RAB38: variants seen among roughly 807,000 people sequenced by gnomAD.
The protein encoded by RAB38 is RAB38, member RAS oncogene family, also known as ras-related protein Rab-38.
RAB38 carries 15 observed loss-of-function variants against 18.4 expected under a neutral mutation model. That is an observed-to-expected ratio of 0.82 (90% CI 0.55 to 1.26). RAB38 has a LOEUF of 1.26. Among genes scored for constraint, RAB38 ranks in the 50% most tolerant of loss-of-function variants. The pLI is 0.00. For synonymous variants in RAB38, 101 were observed against 104.4 expected, an observed-to-expected ratio of 0.97 and a Z score of 0.20; for missense variants, 294 against 267.4, an observed-to-expected ratio of 1.10 and a Z score of -0.69.
the RAB38 span, among the ~76,000 whole-genome samples, chr11:87,958,395 G>A: frequency 6.6e-6 from 1 of 152,094 alleles, no homozygotes; most frequent in South Asian, 2.1e-4. Flanking sequence ...CCTCTGTCTT[G>A]GGCTCTGCTC....
the RAB38 span, among the ~76,000 whole-genome samples, chr11:88,033,120 T>C: frequency 5.3e-5 from 8 of 151,784 alleles, no homozygotes; most frequent in South Asian, 2.1e-4. Flanking sequence ...AGCAAACTAT[T>C]GCAAGAACAA....
At chr11:87,945,523 G>T in the RAB38 span, among the ~76,000 whole-genome samples, 1 of 152,126 alleles carries the variant, frequency 6.6e-6, no homozygotes, top group South Asian at 2.1e-4. Flanking sequence ...GAATAGGAAT[G>T]AATTCAGTGC....
chr11:88,126,046 G>A (rs1287033530), intron 2 of RAB38, among the ~76,000 whole-genome samples: 1 of 152,104 alleles, frequency 6.6e-6, no homozygotes, highest in Admixed American at 6.5e-5. Flanking sequence ...CATTACTTCT[G>A]AGGACTCTGT....
At chr11:87,875,020 A>G in the RAB38 span, among the ~76,000 whole-genome samples, 1 of 151,652 alleles carries the variant, frequency 6.6e-6, no homozygotes, top group African/African-American at 2.4e-5. Context: ...AGCATTATTC[A>G]CAATAACCAA....
At chr11:87,941,402 T>G in the RAB38 span, among the ~76,000 whole-genome samples, 2 of 151,356 alleles carry the variant, frequency 1.3e-5, no homozygotes, top group African/African-American at 4.9e-5. Flanking sequence ...GAACATTTTC[T>G]TTTCTCCCCA....
the RAB38 span, among the ~76,000 whole-genome samples, chr11:88,017,704 ATATATATATATAATATATAT>A: frequency 1.4e-5 from 2 of 144,978 alleles, no homozygotes; most frequent in Non-Finnish European, 3.0e-5. Context: ...ATTGTATTTT[ATATATATATATAATATATAT>A]TATATATATA....
downstream of RAB38, among the ~76,000 whole-genome samples, chr11:88,109,440 C>T (rs1942443771): frequency 6.6e-6 from 1 of 152,124 alleles, no homozygotes; most frequent in Admixed American, 6.5e-5. Context: ...CTAGGCAACT[C>T]CATTCAGGAC....
At chr11:87,941,211 T>TTATATATATATATATATA in the RAB38 span, among the ~76,000 whole-genome samples, 3 of 24,138 alleles carry the variant, frequency 1.2e-4, no homozygotes, top group Non-Finnish European at 2.1e-4. Context: ...TATAAATATA[T>TTATATATATATATATATA]GAGATATATA....
rs779231433 is a variant in RAB38 at position 88,149,750 on chromosome 11, G to A, written c.408C>T (p.Leu136=). ...GGTCCATCTTGAGGCCATTGTTCAT[G>A]AGCACATCCTTCCCCTGGTCACATT... ...ANKCDQGKDV[L]MNNGLKMDQF... is the part of the protein sequence containing the mutation. Residue 136 remains leucine, a synonymous_variant, in exon 2 of 3, where the codon CTC becomes CTT. Transcript: ENST00000243662. 5.0e-6 allele frequency: 8 copies of A among 1,614,132 alleles called. No individual in the cohort carries two copies. The highest frequency in any genetic ancestry group is 8.5e-7 in the Non-Finnish European group (1 of 1,180,028).
chr11:88,163,123 G>T (rs1038774907), intron 1 of RAB38, among the ~76,000 whole-genome samples: 1 of 151,988 alleles, frequency 6.6e-6, no homozygotes, highest in Non-Finnish European at 1.5e-5. Context: ...CTGCAAACCT[G>T]TGCAGCCTGT....
chr11:88,020,050 T>C, the RAB38 span, among the ~76,000 whole-genome samples: 4,473 of 152,252 alleles, frequency 0.029, 78 homozygotes, highest in Middle Eastern at 0.068. Flanking sequence ...CAGAGGTAAA[T>C]GAGTCTTTGA....
chr11:88,129,170 A>G (rs534663262), intron 2 of RAB38, among the ~76,000 whole-genome samples: 3 of 152,300 alleles, frequency 2.0e-5, no homozygotes, highest in African/African-American at 4.8e-5. Context: ...GTACCTTAAC[A>G]TATACAGAAT....
chr11:88,022,479 T>C, the RAB38 span, among the ~76,000 whole-genome samples: 1 of 151,692 alleles, frequency 6.6e-6, no homozygotes, highest in Admixed American at 6.6e-5. Flanking sequence ...TTCAATATAG[T>C]ACTGGAAATT....
the RAB38 span, among the ~76,000 whole-genome samples, chr11:87,933,667 T>C: frequency 6.7e-6 from 1 of 150,252 alleles, no homozygotes; most frequent in Non-Finnish European, 1.5e-5. Flanking sequence ...AATCAATTCA[T>C]ACTTAAAAAG....
the RAB38 span, among the ~76,000 whole-genome samples, chr11:88,056,018 C>T: frequency 4.7e-5 from 7 of 149,862 alleles, no homozygotes; most frequent in South Asian, 2.1e-4. Flanking sequence ...TTTTTTCTTT[C>T]GTGTGTGTGT....
At chr11:88,131,649 T>A (rs1196459534) in intron 2 of RAB38, among the ~76,000 whole-genome samples, 1 of 152,214 alleles carries the variant, frequency 6.6e-6, no homozygotes, top group Non-Finnish European at 1.5e-5. Flanking sequence ...GAGTTAGTTG[T>A]TACACACCTT....
chr11:88,017,702 T>A, the RAB38 span, among the ~76,000 whole-genome samples: 940 of 144,514 alleles, frequency 6.5e-3, 3 homozygotes, highest in Non-Finnish European at 0.011. Context: ...AAATTGTATT[T>A]TATATATATA....
chr11:87,842,715 C>T, the RAB38 span, among the ~76,000 whole-genome samples: 2 of 151,924 alleles, frequency 1.3e-5, no homozygotes, highest in African/African-American at 4.8e-5. Context: ...GGAAAGACTA[C>T]CTCAGAATAC....
rs577001583 is a variant in RAB38, at chr11:88,140,263, T to C, written c.483+9412A>G. Reference sequence around the variant, plus strand: ...CCCTCCTGTGCAGTTTCTAAAGAGCTTTCTGGATGAAAGGAGTTACATAAT... The same window carrying C: ...CCCTCCTGTGCAGTTTCTAAAGAGCCTTCTGGATGAAAGGAGTTACATAAT... On this transcript the variant is annotated intron_variant, in intron 2 of 2. Coordinates refer to ENST00000243662, the MANE Select transcript of RAB38 (RefSeq NM_022337.3). Among the ~76,000 whole-genome samples, 7 of 152,304 alleles carry C rather than the reference T, an allele frequency of 4.6e-5. 1 individual carries two copies. The highest frequency in any genetic ancestry group is 4.1e-4 in the South Asian group (2 of 4,828).
Sources: allele counts gnomAD v4.1 joint callset (sites outside exome capture counted in the v4.1 genomes callset), GRCh38; gene constraint gnomAD v4.1.1; transcripts MANE v1.5; gene names NCBI Gene and HGNC (gene_info 2026-07-23, HGNC 2026-07-21).